The following LCLAT1 variants were observed in gnomAD, a reference collection of about 807,000 sequenced individuals.
LCLAT1 encodes 1-AGP acyltransferase 8.
Under a neutral mutation model 30.7 loss-of-function variants are expected in LCLAT1, and 11 were observed. The ratio of observed to expected loss-of-function variants is 0.36; its 90% CI spans 0.23 to 0.59. LCLAT1 has a LOEUF of 0.59. Ranked by LOEUF, LCLAT1 falls within the 20% of genes least tolerant of loss-of-function variation. The probability of loss-of-function intolerance (pLI) is 0.77; values close to 1 mark genes in which losing one functional copy is unlikely to be tolerated. For synonymous variants in LCLAT1, 155 were observed against 151.3 expected (o/e 1.02, Z -0.18); for missense variants, 402 against 458.6 (o/e 0.88, Z 1.13).
At chr2:30,584,405 G>A (rs753493597) in intron 5 of LCLAT1, among the ~76,000 whole-genome samples, 1 of 152,124 alleles carries the variant, frequency 6.6e-6, no homozygotes, top group Non-Finnish European at 1.5e-5. Context: ...ATTTAGAATG[G>A]CTTTAATAAT....
chr2:30,510,663 C>T (rs966416880), intron 1 of LCLAT1, among the ~76,000 whole-genome samples: 5 of 152,006 alleles, frequency 3.3e-5, no homozygotes, highest in African/African-American at 1.2e-4. Flanking sequence ...TGCTGATTTC[C>T]CCCTCTCCAA....
At chr2:30,462,481 G>A (rs1682203390) in intron 1 of LCLAT1, among the ~76,000 whole-genome samples, 1 of 152,206 alleles carries the variant, frequency 6.6e-6, no homozygotes, top group Non-Finnish European at 1.5e-5. Context: ...TGAGAATTGT[G>A]ACTGAGGGGA....
At chr2:30,614,465 G>A (rs550369837) in intron 5 of LCLAT1, among the ~76,000 whole-genome samples, 1 of 152,178 alleles carries the variant, frequency 6.6e-6, no homozygotes, top group South Asian at 2.1e-4. Flanking sequence ...TTTTTGATGG[G>A]TCGGGTGTGG....
chr2:30,460,848 T>C (rs1199044517), intron 1 of LCLAT1, among the ~76,000 whole-genome samples: 2 of 152,182 alleles, frequency 1.3e-5, no homozygotes, highest in East Asian at 1.9e-4. Context: ...CACTGATGCC[T>C]AGGTCATGAA....
At chr2:30,525,527 A>G in intron 1 of LCLAT1, 60 bp from the exon 2 acceptor site, 5 of 1,305,206 alleles carry the variant, frequency 3.8e-6, no homozygotes, top group Non-Finnish European at 5.5e-6. Context: ...ATCATCCTGA[A>G]ATTGAATTCG....
chr2:30,508,966 T>G (rs908395665), intron 1 of LCLAT1, among the ~76,000 whole-genome samples: 1 of 152,208 alleles, frequency 6.6e-6, no homozygotes, highest in African/African-American at 2.4e-5. Context: ...GTAGTTCTCC[T>G]TGTAGAAATC....
intron 1 of LCLAT1, among the ~76,000 whole-genome samples, chr2:30,478,832 T>C (rs1683178320): frequency 6.6e-6 from 1 of 152,232 alleles, no homozygotes; most frequent in Admixed American, 6.5e-5. Flanking sequence ...GGTTTTGTAT[T>C]GTCCAAGATT....
At chr2:30,494,216 C>G (rs1683983159) in intron 1 of LCLAT1, among the ~76,000 whole-genome samples, 1 of 151,988 alleles carries the variant, frequency 6.6e-6, no homozygotes, top group Non-Finnish European at 1.5e-5. Flanking sequence ...GAGTGAGACC[C>G]TGTCTTAAAA....
chr2:30,530,683 C>T (rs1685939241), intron 2 of LCLAT1, among the ~76,000 whole-genome samples: 1 of 152,146 alleles, frequency 6.6e-6, no homozygotes, highest in Non-Finnish European at 1.5e-5. Context: ...GTAGCTAAGG[C>T]TCTGGGCATG....
chr2:30,453,639 GT>G (rs1237672499), intron 1 of LCLAT1, among the ~76,000 whole-genome samples: 1 of 152,168 alleles, frequency 6.6e-6, no homozygotes, highest in African/African-American at 2.4e-5. Context: ...TGTGGTTTCT[GT>G]CTTTGAGCTT....
intron 1 of LCLAT1, among the ~76,000 whole-genome samples, chr2:30,480,431 GT>G (rs1327103408): frequency 1.3e-5 from 2 of 152,172 alleles, no homozygotes; most frequent in Non-Finnish European, 2.9e-5. Context: ...CTGAGTTCAA[GT>G]AATCTACCTG....
At chr2:30,494,673 C>CTT (rs577787239) in intron 1 of LCLAT1, among the ~76,000 whole-genome samples, 8 of 143,932 alleles carry the variant, frequency 5.6e-5, no homozygotes, top group Admixed American at 1.4e-4. Context: ...CATTCTTTTA[C>CTT]TTTTTTTTTT....
At chr2:30,515,880 G>A (rs1190741576) in intron 1 of LCLAT1, among the ~76,000 whole-genome samples, 1 of 152,066 alleles carries the variant, frequency 6.6e-6, no homozygotes, top group Non-Finnish European at 1.5e-5. Flanking sequence ...AGCAGAAGCT[G>A]GCAACTCCCA....
At chr2:30,625,150 G>A (rs1668443723) in intron 5 of LCLAT1, among the ~76,000 whole-genome samples, 1 of 152,098 alleles carries the variant, frequency 6.6e-6, no homozygotes, top group Non-Finnish European at 1.5e-5. Context: ...AAGTCTGAAA[G>A]AGCACAGACA....
chr2:30,604,754 AC>A (rs1000308107), intron 5 of LCLAT1, among the ~76,000 whole-genome samples: 1 of 151,692 alleles, frequency 6.6e-6, no homozygotes, highest in Non-Finnish European at 1.5e-5. Context: ...TACTTTGCTT[AC>A]CCGTGCTTTA....
chr2:30,448,739 A>G (rs551385527), intron 1 of LCLAT1, among the ~76,000 whole-genome samples: 5 of 152,218 alleles, frequency 3.3e-5, no homozygotes, highest in Non-Finnish European at 7.3e-5. Flanking sequence ...AACTGGATCC[A>G]TGGAGATTTG....
chr2:30,471,696 G>C (rs377562096), intron 1 of LCLAT1, among the ~76,000 whole-genome samples: 1 of 152,082 alleles, frequency 6.6e-6, no homozygotes, highest in Admixed American at 6.5e-5. Context: ...TATTACTGGT[G>C]CGTAGAAACA....
intron 5 of LCLAT1, among the ~76,000 whole-genome samples, chr2:30,601,222 T>TTAGAACATTTGCATTGGG (rs1558547613): frequency 6.6e-6 from 1 of 151,732 alleles, no homozygotes; most frequent in Non-Finnish European, 1.5e-5. Context: ...TTTGCATTGG[T>TTAGAACATTTGCATTGGG]TTAGAACGTA....
chr2:30,531,304 TC>T (rs1685973170), intron 2 of LCLAT1, among the ~76,000 whole-genome samples: 1 of 152,084 alleles, frequency 6.6e-6, no homozygotes, highest in South Asian at 2.1e-4. Flanking sequence ...TTGCTGTGGA[TC>T]CACACCTGTA....
Sources: gnomAD v4.1 joint callset for allele counts (sites outside exome capture counted in the v4.1 genomes callset) on GRCh38, gnomAD v4.1.1 for gene constraint, MANE v1.5 for transcripts, NCBI Gene and HGNC (gene_info 2026-07-23, HGNC 2026-07-21) for gene names.